DLGAP2: variants seen among roughly 807,000 people sequenced by gnomAD.
The protein encoded by DLGAP2 is DLG associated protein 2.
Under a neutral mutation model 100.3 loss-of-function variants are expected in DLGAP2, and 26 were observed. The observed-to-expected ratio is 0.26, with a 90% CI of 0.19 to 0.36. DLGAP2 has a LOEUF of 0.36. Among genes scored for constraint, DLGAP2 ranks in the 10% least tolerant of loss-of-function variants. The pLI is 1.00. For missense variants in DLGAP2, 1,858 were observed against 1,453.2 expected (o/e 1.28, Z -4.53); for synonymous variants, 886 against 630.1 (o/e 1.41, Z -6.08).
chr8:1,153,647 A>G (rs1796733503), intron 2 of DLGAP2, among the ~76,000 whole-genome samples: 1 of 152,236 alleles, frequency 6.6e-6, no homozygotes, highest in Non-Finnish European at 1.5e-5. Flanking sequence ...TCACAGGCGT[A>G]TCAGAATGTG....
intron 3 of DLGAP2, among the ~76,000 whole-genome samples, chr8:1,478,538 C>G (rs1460379515): frequency 1.3e-5 from 2 of 152,226 alleles, no homozygotes; most frequent in African/African-American, 4.8e-5. Context: ...TCCATCGACA[C>G]CATAGATGCC....
chr8:1,200,797 A>C (rs1385610247), intron 2 of DLGAP2, among the ~76,000 whole-genome samples: 1 of 152,152 alleles, frequency 6.6e-6, no homozygotes, highest in African/African-American at 2.4e-5. Flanking sequence ...CTTCCAGAAG[A>C]CTCTGAGAGA....
intron 3 of DLGAP2, among the ~76,000 whole-genome samples, chr8:1,419,658 C>T (rs1276410381): frequency 6.6e-6 from 1 of 152,148 alleles, no homozygotes; most frequent in Non-Finnish European, 1.5e-5. Flanking sequence ...CAAAACCACA[C>T]TGAGATACTG....
intron 2 of DLGAP2, among the ~76,000 whole-genome samples, chr8:974,111 A>G (rs1223595912): frequency 1.3e-5 from 2 of 152,222 alleles, no homozygotes; most frequent in Non-Finnish European, 2.9e-5. Context: ...TTTGTAGTAA[A>G]AGTTGATGAG....
chr8:876,791 T>G (rs190296293), intron 1 of DLGAP2, among the ~76,000 whole-genome samples: 17 of 152,330 alleles, frequency 1.1e-4, no homozygotes, highest in Admixed American at 9.8e-4. Context: ...CTAGGTGCCC[T>G]ATGCTTCTGA....
At chr8:826,793 C>T (rs145923053) in intron 1 of DLGAP2, among the ~76,000 whole-genome samples, 2,091 of 152,196 alleles carry the variant, frequency 0.014, 18 homozygotes, top group Middle Eastern at 0.027. Context: ...GTCCCAGCTA[C>T]GTTTGGGATT....
At chr8:1,236,263 G>T (rs531354028) in intron 2 of DLGAP2, among the ~76,000 whole-genome samples, 1 of 50,496 alleles carries the variant, frequency 2.0e-5, no homozygotes, top group Non-Finnish European at 3.7e-5. Context: ...ATCTCACATG[G>T]TGCCGTTTCT....
At chr8:800,781 TTCTGA>T (rs1796135401) in intron 1 of DLGAP2, among the ~76,000 whole-genome samples, 1 of 152,160 alleles carries the variant, frequency 6.6e-6, no homozygotes, top group Non-Finnish European at 1.5e-5. Flanking sequence ...CACATATGTT[TTCTGA>T]GAGTGGGGTT....
chr8:746,313 A>C (rs941720587), intron 1 of DLGAP2, among the ~76,000 whole-genome samples: 7 of 152,230 alleles, frequency 4.6e-5, no homozygotes, highest in Non-Finnish European at 7.3e-5. Context: ...CGAGTTACTC[A>C]TATTAACTCA....
At chr8:1,676,694 A>T in intron 11 of DLGAP2, 76 bp downstream of exon 11, 7 of 1,429,048 alleles carry the variant, frequency 4.9e-6, no homozygotes, top group Non-Finnish European at 6.8e-6. Context: ...AAGCTCCTAG[A>T]TCCTGCCGGC....
chr8:911,622 T>G (rs1288943838), intron 2 of DLGAP2, among the ~76,000 whole-genome samples: 1 of 151,992 alleles, frequency 6.6e-6, no homozygotes, highest in Non-Finnish European at 1.5e-5. Flanking sequence ...GTTGGAAGGA[T>G]GCATGTATAA....
intron 3 of DLGAP2, among the ~76,000 whole-genome samples, chr8:1,478,916 C>T (rs543459667): frequency 5.9e-5 from 9 of 152,350 alleles, no homozygotes; most frequent in Admixed American, 2.0e-4. Flanking sequence ...AGGGAGATGA[C>T]GGCGCATCCT....
At chr8:748,944 T>C (rs1820720468) in intron 1 of DLGAP2, among the ~76,000 whole-genome samples, 1 of 152,260 alleles carries the variant, frequency 6.6e-6, no homozygotes, top group Admixed American at 6.5e-5. Context: ...TCTATTTTGC[T>C]CTCTCTGTAT....
intron 2 of DLGAP2, among the ~76,000 whole-genome samples, chr8:1,253,395 G>A (rs573761820): frequency 7.2e-5 from 11 of 152,330 alleles, no homozygotes; most frequent in African/African-American, 1.4e-4. Context: ...CGGGTGCTGC[G>A]GAGGCCGACT....
intron 2 of DLGAP2, among the ~76,000 whole-genome samples, chr8:1,206,567 C>G (rs111334607): frequency 1.7e-5 from 1 of 60,390 alleles, no homozygotes; most frequent in Admixed American, 1.6e-4. Flanking sequence ...TCCAGCCATC[C>G]GTGGGCGGGG....
intron 4 of DLGAP2, among the ~76,000 whole-genome samples, chr8:1,504,726 A>G (rs1196818786): frequency 6.6e-6 from 1 of 152,038 alleles, no homozygotes; most frequent in Admixed American, 6.5e-5. Flanking sequence ...AGGATTTCTC[A>G]CTTTTTAAGA....
At chr8:751,981 G>T (rs1018994152) in intron 1 of DLGAP2, among the ~76,000 whole-genome samples, 1 of 152,096 alleles carries the variant, frequency 6.6e-6, no homozygotes, top group Non-Finnish European at 1.5e-5. Context: ...CTTTTTTCAG[G>T]CCCATTTTTT....
intron 1 of DLGAP2, among the ~76,000 whole-genome samples, chr8:818,231 G>C (rs549595004): frequency 4.6e-5 from 7 of 152,084 alleles, no homozygotes; most frequent in Non-Finnish European, 1.0e-4. Context: ...TATTCCCAGG[G>C]GGATTATGGC....
chr8:985,147 G>A (rs1422355197), intron 2 of DLGAP2, among the ~76,000 whole-genome samples: 2 of 152,200 alleles, frequency 1.3e-5, no homozygotes, highest in Non-Finnish European at 2.9e-5. Context: ...CAAGGTCCCT[G>A]GCTGAGCATG....
Sources: gnomAD v4.1 joint callset for allele counts (sites outside exome capture counted in the v4.1 genomes callset) on GRCh38, gnomAD v4.1.1 for gene constraint, MANE v1.5 for transcripts, NCBI Gene and HGNC (gene_info 2026-07-23, HGNC 2026-07-21) for gene names.